The following TP63 variants were observed in gnomAD, a reference collection of about 807,000 sequenced individuals.
The protein encoded by TP63 is tumor protein 63.
TP63 carries 17 observed loss-of-function variants against 82.8 expected under a neutral mutation model. That is an observed-to-expected ratio of 0.21 (90% confidence interval 0.14 to 0.31). The LOEUF (loss-of-function observed/expected upper bound fraction) is 0.31, where lower values mean the gene tolerates loss of function less well. Ranked by LOEUF, TP63 falls within the 10% of genes least tolerant of loss-of-function variation. The pLI is 1.00. For missense variants in TP63, 648 were observed against 895.3 expected, an observed-to-expected ratio of 0.72 and a Z score of 3.52; for synonymous variants, 330 against 321.7, an observed-to-expected ratio of 1.03 and a Z score of -0.28.
intron 8 of TP63, 107 bp from the exon 9 acceptor site, chr3:189,869,217 G>A: frequency 1.1e-6 from 1 of 875,962 alleles, no homozygotes; most frequent in Non-Finnish European, 1.8e-6. Context: ...TTTTTAATAT[G>A]TATATTAAAT....
the TP63 span, among the ~76,000 whole-genome samples, chr3:189,620,441 C>T: frequency 6.8e-5 from 9 of 132,332 alleles, no homozygotes; most frequent in South Asian, 1.1e-3. Flanking sequence ...ACCTGGGAGG[C>T]GGAGGTTGCA....
chr3:189,777,500 C>T (rs1294446783), intron 3 of TP63, among the ~76,000 whole-genome samples: 3 of 151,946 alleles, frequency 2.0e-5, no homozygotes, highest in East Asian at 1.9e-4. Flanking sequence ...CCTGGCCTCA[C>T]CCTGTTATTC....
At chr3:189,609,554 C>G in the TP63 span, among the ~76,000 whole-genome samples, 1 of 151,906 alleles carries the variant, frequency 6.6e-6, no homozygotes, top group Non-Finnish European at 1.5e-5. Context: ...TTGAAGTATC[C>G]CCCAGTGTCT....
At chr3:189,761,904 C>T (rs531961740) in intron 3 of TP63, among the ~76,000 whole-genome samples, 85 of 152,170 alleles carry the variant, frequency 5.6e-4, no homozygotes, top group Non-Finnish European at 5.6e-4. Context: ...GCAGAGAAAC[C>T]CCCGTTTTTA....
rs1726294238 is a variant in TP63 at position 189,801,425 on chromosome 3, GATA to G, written c.325-6841_325-6839del. On this transcript the variant is annotated intron_variant, in intron 3 of 13. Transcript: ENST00000264731. ...GTTTGATACTTCTTTGATATAAAAT[GATA>G]ATAATTCCTTCAGAATTGGGATGCC... is the stretch of plus-strand genomic sequence containing the variant. 2.6e-5 allele frequency among the ~76,000 whole-genome samples: 4 copies of G among 152,190 alleles called. No individual in the cohort carries two copies. In the South Asian group the frequency reaches 8.3e-4, roughly 32 times the overall value.
intron 10 of TP63, chr3:189,881,573 A>G (rs898927718): frequency 3.9e-5 from 37 of 956,000 alleles, no homozygotes; most frequent in Non-Finnish European, 4.4e-5. Context: ...AAGTGCTTGA[A>G]GTAGCATGTG....
intron 3 of TP63, among the ~76,000 whole-genome samples, chr3:189,803,053 C>G (rs1036959315): frequency 1.3e-5 from 2 of 152,164 alleles, no homozygotes; most frequent in Non-Finnish European, 2.9e-5. Context: ...AATCCCAACA[C>G]TTTGGGAGGC....
At chr3:189,891,779 G>C (rs375033310) in intron 13 of TP63, among the ~76,000 whole-genome samples, 2 of 152,244 alleles carry the variant, frequency 1.3e-5, no homozygotes, top group Admixed American at 1.3e-4. Context: ...CTTAGGCCGC[G>C]CTCTTCATGC....
At chr3:189,749,595 CAATT>C (rs1397285510) in intron 3 of TP63, among the ~76,000 whole-genome samples, 1 of 151,484 alleles carries the variant, frequency 6.6e-6, no homozygotes, top group Non-Finnish European at 1.5e-5. Context: ...GTAGGAATGT[CAATT>C]AATACAACCA....
intron 4 of TP63, among the ~76,000 whole-genome samples, chr3:189,832,880 G>T (rs1294961915): frequency 6.6e-6 from 1 of 152,174 alleles, no homozygotes; most frequent in Admixed American, 6.5e-5. Flanking sequence ...AGGGATGAGT[G>T]ATCCTTGGAT....
At chr3:189,823,647 G>A (rs1031823713) in intron 4 of TP63, among the ~76,000 whole-genome samples, 1 of 152,150 alleles carries the variant, frequency 6.6e-6, no homozygotes, top group African/African-American at 2.4e-5. Context: ...ACTAGAGCAG[G>A]TCTGTCCTAA....
chr3:189,805,917 C>T (rs62279944), intron 3 of TP63, among the ~76,000 whole-genome samples: 183 of 152,230 alleles, frequency 1.2e-3, no homozygotes, highest in Non-Finnish European at 1.9e-3. Flanking sequence ...AGAGGCAGAC[C>T]AAGTTCACCA....
At chr3:189,802,314 C>T (rs905803984) in intron 3 of TP63, among the ~76,000 whole-genome samples, 2 of 152,200 alleles carry the variant, frequency 1.3e-5, no homozygotes, top group African/African-American at 4.8e-5. Context: ...CGTGAAGCCT[C>T]AGGTGAAAGG....
intron 3 of TP63, among the ~76,000 whole-genome samples, chr3:189,766,498 A>C (rs954230115): frequency 2.0e-5 from 3 of 152,086 alleles, no homozygotes; most frequent in African/African-American, 7.2e-5. Flanking sequence ...TACTGTCTGG[A>C]GTTGGTGAAA....
intron 4 of TP63, among the ~76,000 whole-genome samples, chr3:189,849,377 T>C (rs1291248049): frequency 1.3e-5 from 2 of 152,194 alleles, no homozygotes; most frequent in East Asian, 3.9e-4. Flanking sequence ...TCTTGGGAAC[T>C]GAGTCTTCAA....
chr3:189,672,568 C>G (rs1027794425), intron 1 of TP63, among the ~76,000 whole-genome samples: 1 of 147,152 alleles, frequency 6.8e-6, no homozygotes, highest in African/African-American at 2.5e-5. Flanking sequence ...TGCCACTGTA[C>G]TACAGCCTGG....
chr3:189,609,724 T>C, the TP63 span, among the ~76,000 whole-genome samples: 1 of 152,228 alleles, frequency 6.6e-6, no homozygotes, highest in Admixed American at 6.5e-5. Context: ...TTCTTCTTTA[T>C]GGCTGCGTAA....
intron 10 of TP63, among the ~76,000 whole-genome samples, chr3:189,878,772 G>A (rs1719562934): frequency 7.4e-6 from 1 of 135,232 alleles, no homozygotes; most frequent in Non-Finnish European, 1.6e-5. Flanking sequence ...TTTCAGGGCA[G>A]AGATTTATTA....
intron 1 of TP63, among the ~76,000 whole-genome samples, chr3:189,723,710 T>G (rs1214307918): frequency 6.6e-6 from 1 of 152,180 alleles, no homozygotes; most frequent in African/African-American, 2.4e-5. Flanking sequence ...AGGAACAAAA[T>G]GTGCCCTGAT....
Sources: gnomAD v4.1 joint callset for allele counts (sites outside exome capture counted in the v4.1 genomes callset) on GRCh38, gnomAD v4.1.1 for gene constraint, MANE v1.5 for transcripts, NCBI Gene and HGNC (gene_info 2026-07-23, HGNC 2026-07-21) for gene names.